SPPL3: variants seen among roughly 807,000 people sequenced by gnomAD.
SPPL3 encodes signal peptide peptidase like 3.
In SPPL3, 5 loss-of-function variants were observed where a neutral mutation model predicts 42.4. The observed-to-expected ratio is 0.12, with a 90% CI of 0.06 to 0.25. SPPL3 has a LOEUF of 0.25. Among genes scored for constraint, SPPL3 ranks in the 10% least tolerant of loss-of-function variants. The pLI is 1.00. For synonymous variants in SPPL3, 195 were observed against 181.8 expected, an observed-to-expected ratio of 1.07 and a Z score of -0.58; for missense variants, 235 against 489.0, an observed-to-expected ratio of 0.48 and a Z score of 4.90.
chr12:120,808,802 T>G (rs1870586773), intron 2 of SPPL3, among the ~76,000 whole-genome samples: 1 of 152,220 alleles, frequency 6.6e-6, no homozygotes, highest in Non-Finnish European at 1.5e-5. Flanking sequence ...ATATGCCAAA[T>G]GGAAGGTAGT....
chr12:120,841,272 C>T (rs1339314547), intron 1 of SPPL3, among the ~76,000 whole-genome samples: 2 of 151,892 alleles, frequency 1.3e-5, no homozygotes, highest in African/African-American at 4.8e-5. Flanking sequence ...CTGTGGTGAG[C>T]CATGGTCGTG....
intron 1 of SPPL3, among the ~76,000 whole-genome samples, chr12:120,863,805 CTT>C (rs34937059): frequency 0.28 from 39,059 of 141,926 alleles, 6,348 homozygotes; most frequent in Non-Finnish European, 0.39. Context: ...CCACATTTAG[CTT>C]TTTTTTTTTT....
Position 120,859,900 on chromosome 12 carries a change from G to A in SPPL3, c.23+43945C>T, listed in dbSNP as rs777844910. Among the ~76,000 whole-genome samples, 7 of 151,952 alleles carry A rather than the reference G, an allele frequency of 4.6e-5. No individual in the cohort carries two copies. In the South Asian group the frequency reaches 6.2e-4, roughly 14 times the overall value. ...AGAGGTTGCAGTGAGCCAAGATCGC[G>A]CCACTGCACCACAGCCTGAGCAACA... On this transcript the variant is annotated intron_variant, in intron 1 of 10. Transcript: ENST00000353487.
chr12:120,824,173 A>G (rs1435613168), intron 1 of SPPL3, among the ~76,000 whole-genome samples: 1 of 152,144 alleles, frequency 6.6e-6, no homozygotes, highest in African/African-American at 2.4e-5. Flanking sequence ...CCCAGCCCAC[A>G]AAGAAATTTA....
intron 1 of SPPL3, among the ~76,000 whole-genome samples, chr12:120,829,670 C>T (rs990987641): frequency 2.6e-5 from 4 of 151,722 alleles, no homozygotes; most frequent in African/African-American, 9.7e-5. Context: ...AAGACATAGA[C>T]CAGGAGAAAA....
intron 1 of SPPL3, among the ~76,000 whole-genome samples, chr12:120,820,514 C>T (rs1242530279): frequency 6.6e-6 from 1 of 151,898 alleles, no homozygotes; most frequent in African/African-American, 2.4e-5. Context: ...GACGGGGTTT[C>T]ACCGTGTTAG....
chr12:120,871,483 T>G (rs1261591272), intron 1 of SPPL3, among the ~76,000 whole-genome samples: 2 of 152,258 alleles, frequency 1.3e-5, no homozygotes, highest in East Asian at 1.9e-4. Context: ...CCAGGTGCAG[T>G]GGCTCACAGC....
At chr12:120,791,119 T>C (rs1395183711) in intron 3 of SPPL3, among the ~76,000 whole-genome samples, 2 of 152,116 alleles carry the variant, frequency 1.3e-5, no homozygotes, top group African/African-American at 2.4e-5. Flanking sequence ...TGCGCCTGGA[T>C]ATCTTGGCAC....
intron 2 of SPPL3, among the ~76,000 whole-genome samples, chr12:120,792,278 G>A (rs1869943586): frequency 1.3e-5 from 2 of 152,182 alleles, no homozygotes; most frequent in African/African-American, 2.4e-5. Context: ...ACTAAAAATG[G>A]CACGTCACTT....
intron 1 of SPPL3, among the ~76,000 whole-genome samples, chr12:120,823,618 T>A (rs1871142724): frequency 6.6e-6 from 1 of 152,182 alleles, no homozygotes; most frequent in Admixed American, 6.5e-5. Flanking sequence ...TCTCTTTACT[T>A]CTTACTCCAC....
intron 1 of SPPL3, chr12:120,903,523 C>T: frequency 2.6e-6 from 1 of 378,146 alleles, no homozygotes; most frequent in South Asian, 3.2e-5. Flanking sequence ...GGGTGCCTGT[C>T]GGATTCAACT....
intron 1 of SPPL3, among the ~76,000 whole-genome samples, chr12:120,849,975 C>T (rs1406451385): frequency 6.6e-6 from 1 of 152,110 alleles, no homozygotes; most frequent in Non-Finnish European, 1.5e-5. Flanking sequence ...TACAAACAGG[C>T]AGTCACTGGT....
intron 1 of SPPL3, among the ~76,000 whole-genome samples, chr12:120,825,703 T>C (rs192153964): frequency 5.9e-5 from 9 of 152,318 alleles, no homozygotes; most frequent in Admixed American, 2.0e-4. Flanking sequence ...CCTGAAAACA[T>C]TGCTTTTATT....
At chr12:120,788,150 G>C (rs1203951526) in intron 3 of SPPL3, among the ~76,000 whole-genome samples, 1 of 152,208 alleles carries the variant, frequency 6.6e-6, no homozygotes. Context: ...GCTCTTTGCT[G>C]TTGCTGTGCA....
At chr12:120,883,930 T>G (rs1873367653) in intron 1 of SPPL3, among the ~76,000 whole-genome samples, 1 of 150,840 alleles carries the variant, frequency 6.6e-6, no homozygotes, top group African/African-American at 2.4e-5. Flanking sequence ...GGAGAAACCC[T>G]GTCTCTATTA....
At position 120,791,501 on chromosome 12, in the gene SPPL3, G is replaced by A; in HGVS notation, c.158C>T (p.Ser53Phe). The A allele has an allele frequency of 1.2e-6, 2 of 1,607,858 alleles. No individual in the cohort carries two copies. The highest frequency in any genetic ancestry group is 1.7e-6 in the Non-Finnish European group (2 of 1,178,632). Residue 53 changes from serine (S) to phenylalanine (F), a missense_variant, in exon 3 of 11, where the codon TCT becomes TTT. Coordinates refer to ENST00000353487, the MANE Select transcript of SPPL3 (RefSeq NM_139015.5). The part of the protein sequence containing the change: ...QDKEKDSNSS[S>F]GSFNGNSTNN... ...GGTGCTGTTGCCATTGAAAGACCCAGAAGAACTATTACTGTCTTTCTCCTT... is the reference window on the plus strand; with the variant it reads ...GGTGCTGTTGCCATTGAAAGACCCAAAAGAACTATTACTGTCTTTCTCCTT...
intron 1 of SPPL3, among the ~76,000 whole-genome samples, chr12:120,852,341 T>C (rs1013290172): frequency 4.1e-5 from 3 of 72,436 alleles, no homozygotes; most frequent in Non-Finnish European, 6.6e-5. Context: ...TTAATTTATA[T>C]ATACATATTT....
intron 1 of SPPL3, among the ~76,000 whole-genome samples, chr12:120,867,046 A>C (rs1432047638): frequency 6.6e-6 from 1 of 152,214 alleles, no homozygotes; most frequent in Non-Finnish European, 1.5e-5. Context: ...TTATCTCTCA[A>C]ACTCTACAAT....
At chr12:120,902,645 C>G (rs1263616517) in intron 1 of SPPL3, among the ~76,000 whole-genome samples, 1 of 152,244 alleles carries the variant, frequency 6.6e-6, no homozygotes, top group Non-Finnish European at 1.5e-5. Flanking sequence ...CGAAATAGGT[C>G]TTCCAACTCC....
Sources: gnomAD v4.1 joint callset for allele counts (sites outside exome capture counted in the v4.1 genomes callset) on GRCh38, gnomAD v4.1.1 for gene constraint, MANE v1.5 for transcripts, NCBI Gene and HGNC (gene_info 2026-07-23, HGNC 2026-07-21) for gene names.